The following ITFG1 variants were observed in gnomAD, a reference collection of about 807,000 sequenced individuals.
ITFG1 encodes the protein integrin alpha FG-GAP repeat containing 1, also known as T-cell immunomodulatory protein.
A neutral mutation model predicts 81.8 loss-of-function variants in ITFG1; 34 were observed. The observed-to-expected ratio is 0.42, with a 90% CI of 0.32 to 0.55. The LOEUF is 0.55. ITFG1 is among the 20% of genes least tolerant of loss of function. ITFG1 has a pLI of 0.17. For missense variants in ITFG1, 672 were observed against 755.4 expected (o/e 0.89, Z 1.29); for synonymous variants, 285 against 270.6 (o/e 1.05, Z -0.52).
chr16:47,355,176 G>A (rs1210273665), intron 8 of ITFG1, among the ~76,000 whole-genome samples: 7 of 152,068 alleles, frequency 4.6e-5, no homozygotes, highest in Non-Finnish European at 1.0e-4. Context: ...AAAAAAAAAT[G>A]TGGTATCTAT....
At chr16:47,178,261 A>G (rs1288955582) in intron 14 of ITFG1, among the ~76,000 whole-genome samples, 1 of 152,204 alleles carries the variant, frequency 6.6e-6, no homozygotes, top group East Asian at 1.9e-4. Flanking sequence ...AAGGCACACC[A>G]TTTTACTTGG....
chr16:47,280,838 G>C (rs1325224412), intron 10 of ITFG1, among the ~76,000 whole-genome samples: 1 of 151,982 alleles, frequency 6.6e-6, no homozygotes, highest in Non-Finnish European at 1.5e-5. Flanking sequence ...ACGTAATGAA[G>C]CCTCCCTAAA....
chr16:47,254,357 G>A (rs1032878234), intron 12 of ITFG1, among the ~76,000 whole-genome samples: 3 of 151,996 alleles, frequency 2.0e-5, no homozygotes, highest in African/African-American at 4.8e-5. Context: ...GCCTCACCCT[G>A]AGAACTGCCT....
At position 47,218,953 on chromosome 16, in the gene ITFG1, T is replaced by TA; in HGVS notation, c.1375-8dup. On this transcript the variant is annotated splice_polypyrimidine_tract_variant and splice_region_variant and intron_variant, in intron 13 of 17. Coordinates refer to ENST00000320640, the MANE Select transcript of ITFG1 (RefSeq NM_030790.5). ...GTTGATTCACTCCAAAGGGCTGCAATAGAAAAAAAAAATAGTTAAGGCTTG... is the reference window on the plus strand; with the variant it reads ...GTTGATTCACTCCAAAGGGCTGCAATAAGAAAAAAAAAATAGTTAAGGCTTG... The TA allele has an allele frequency of 6.4e-7, 1 of 1,554,590 alleles. No homozygotes were observed. The highest frequency in any genetic ancestry group is 8.7e-7 in the Non-Finnish European group (1 of 1,149,682).
intron 5 of ITFG1, among the ~76,000 whole-genome samples, chr16:47,439,056 G>A (rs889486918): frequency 2.7e-4 from 41 of 152,172 alleles, no homozygotes; most frequent in African/African-American, 9.4e-4. Flanking sequence ...CTCAGTAACC[G>A]ATGCGATGAA....
chr16:47,318,927 T>C (rs1435931117), intron 8 of ITFG1, among the ~76,000 whole-genome samples: 2 of 152,192 alleles, frequency 1.3e-5, no homozygotes, highest in Non-Finnish European at 2.9e-5. Context: ...CAACCTTGGG[T>C]ATTATCCCAT....
At chr16:47,452,680 T>C in intron 4 of ITFG1, 53 bp downstream of exon 4, 1 of 1,222,924 alleles carries the variant, frequency 8.2e-7, no homozygotes, top group South Asian at 1.3e-5. Flanking sequence ...TGTGAAGATT[T>C]TATTTTATGT....
chr16:47,387,928 C>T (rs1968483041), intron 6 of ITFG1, among the ~76,000 whole-genome samples: 1 of 147,018 alleles, frequency 6.8e-6, no homozygotes, highest in Non-Finnish European at 1.5e-5. Flanking sequence ...GCAGCCACTA[C>T]AAATATGTTA....
intron 12 of ITFG1, among the ~76,000 whole-genome samples, chr16:47,240,413 A>G (rs149530463): frequency 5.4e-4 from 83 of 152,308 alleles, no homozygotes; most frequent in African/African-American, 1.9e-3. Flanking sequence ...TATTTGACAA[A>G]GACATAATAA....
At chr16:47,283,271 CAG>C (rs750226828) in intron 10 of ITFG1, among the ~76,000 whole-genome samples, 2 of 152,010 alleles carry the variant, frequency 1.3e-5, no homozygotes, top group Non-Finnish European at 2.9e-5. Flanking sequence ...TGGTGAGAGA[CAG>C]GGGTCCAGTT....
rs190978507 is a variant in ITFG1 at position 47,224,223 on chromosome 16, A to C, written c.1375-5277T>G. Among the ~76,000 whole-genome samples, 21 of 152,340 alleles carry C rather than the reference A, an allele frequency of 1.4e-4. No individual in the cohort carries two copies. The Middle Eastern group carries it at 0.01, about 74-fold the overall frequency. On this transcript the variant is annotated intron_variant, in intron 13 of 17. Coordinates refer to ENST00000320640, the MANE Select transcript of ITFG1 (RefSeq NM_030790.5). Reference sequence around the variant, plus strand: ...AAACTTAAAGTATAATAATAAATAAATAAATAAAAGAAAATAATCATCAGC... The same window carrying C: ...AAACTTAAAGTATAATAATAAATAACTAAATAAAAGAAAATAATCATCAGC...
intron 8 of ITFG1, among the ~76,000 whole-genome samples, chr16:47,362,308 C>T (rs893933834): frequency 5.3e-5 from 8 of 152,136 alleles, no homozygotes; most frequent in African/African-American, 1.9e-4. Context: ...ATCTCAGGCA[C>T]CTCAGAGGTT....
intron 14 of ITFG1, chr16:47,218,615 C>T (rs1258142221): frequency 8.8e-6 from 2 of 227,222 alleles, no homozygotes; most frequent in African/African-American, 4.5e-5. Flanking sequence ...AATCTCTCTG[C>T]TACTTCAACT....
At chr16:47,358,728 T>C (rs1318007271) in intron 8 of ITFG1, among the ~76,000 whole-genome samples, 1 of 152,198 alleles carries the variant, frequency 6.6e-6, no homozygotes, top group Non-Finnish European at 1.5e-5. Context: ...TAATACTGAA[T>C]AGTTAATATC....
chr16:47,172,123 A>G (rs1262825223), intron 14 of ITFG1, among the ~76,000 whole-genome samples: 2 of 152,196 alleles, frequency 1.3e-5, no homozygotes, highest in Non-Finnish European at 2.9e-5. Context: ...AGGCTCTCAT[A>G]TCAAACTAAA....
intron 5 of ITFG1, among the ~76,000 whole-genome samples, chr16:47,430,143 C>T (rs185232151): frequency 5.8e-4 from 87 of 151,022 alleles, no homozygotes; most frequent in Admixed American, 2.9e-3. Context: ...CTGCAACTTC[C>T]GCCTCCAGGG....
At chr16:47,333,746 G>C (rs886681586) in intron 8 of ITFG1, among the ~76,000 whole-genome samples, 5 of 152,194 alleles carry the variant, frequency 3.3e-5, no homozygotes, top group African/African-American at 1.2e-4. Context: ...AAAAGAAGCA[G>C]AGTGGACATA....
At chr16:47,181,593 AGGAG>A (rs1965123307) in intron 14 of ITFG1, among the ~76,000 whole-genome samples, 1 of 141,018 alleles carries the variant, frequency 7.1e-6, no homozygotes, top group African/African-American at 2.6e-5. Flanking sequence ...CGCCCCGTCC[AGGAG>A]GGAGGTGAGG....
chr16:47,319,547 G>A (rs1383397896), intron 8 of ITFG1, among the ~76,000 whole-genome samples: 7 of 152,144 alleles, frequency 4.6e-5, no homozygotes, highest in South Asian at 2.1e-4. Context: ...TGTGTTTTAC[G>A]CATATTTTCC....
Sources: allele counts gnomAD v4.1 joint callset (sites outside exome capture counted in the v4.1 genomes callset), GRCh38; gene constraint gnomAD v4.1.1; transcripts MANE v1.5; gene names NCBI Gene and HGNC (gene_info 2026-07-23, HGNC 2026-07-21).